Variants in CRYBG1 observed in about 807,000 individuals in gnomAD.
CRYBG1 encodes the protein beta/gamma crystallin domain-containing protein 1.
Under a neutral mutation model 189.2 loss-of-function variants are expected in CRYBG1, and 139 were observed. The observed-to-expected ratio is 0.73, with a 90% CI of 0.64 to 0.85. The LOEUF is 0.85. Among genes scored for constraint, CRYBG1 ranks in the 40% least tolerant of loss-of-function variants. The pLI is 0.00. For synonymous variants in CRYBG1, 1,023 were observed against 1,017.1 expected (o/e 1.01, Z -0.11); for missense variants, 2,611 against 2,675.8 (o/e 0.98, Z 0.53).
At chr6:106,383,909 T>C (rs1770334283) in intron 1 of CRYBG1, among the ~76,000 whole-genome samples, 1 of 152,200 alleles carries the variant, frequency 6.6e-6, no homozygotes, top group African/African-American at 2.4e-5. Context: ...AAGTTATAAT[T>C]GTGGTTCTCA....
At chr6:106,544,505 A>G (rs2114574906) in intron 11 of CRYBG1, 66 bp from the exon 12 acceptor site, 2 of 1,555,584 alleles carry the variant, frequency 1.3e-6, no homozygotes, top group Non-Finnish European at 8.8e-7. Context: ...AATGAAATTG[A>G]TATGTACCTT....
At chr6:106,525,591 G>A (rs1214309319) in intron 6 of CRYBG1, among the ~76,000 whole-genome samples, 3 of 152,114 alleles carry the variant, frequency 2.0e-5, no homozygotes, top group Non-Finnish European at 4.4e-5. Context: ...ATATGTTTAT[G>A]GGAGAAAAAT....
chr6:106,555,062 G>T (rs886493870), intron 16 of CRYBG1, among the ~76,000 whole-genome samples: 1 of 151,982 alleles, frequency 6.6e-6, no homozygotes, highest in Non-Finnish European at 1.5e-5. Context: ...CTACTCAGGA[G>T]GATGAGGCAG....
At chr6:106,478,853 G>A (rs1772387461) in intron 2 of CRYBG1, among the ~76,000 whole-genome samples, 1 of 152,192 alleles carries the variant, frequency 6.6e-6, no homozygotes, top group Non-Finnish European at 1.5e-5. Flanking sequence ...TGTGTGCAAG[G>A]GATCTAGATT....
chr6:106,363,057 A>G (rs1183188259), intron 1 of CRYBG1, among the ~76,000 whole-genome samples: 1 of 151,548 alleles, frequency 6.6e-6, no homozygotes, highest in African/African-American at 2.4e-5. Flanking sequence ...CATCCTGGCT[A>G]ACACGGTGAA....
rs578061106 is a variant in CRYBG1, at chr6:106,549,648, G to A, written c.5313-2204G>A. Among the ~76,000 whole-genome samples, 39 of 152,194 alleles carry A rather than the reference G, an allele frequency of 2.6e-4. 1 individual carries two copies. The South Asian group carries it at 8.1e-3, about 32-fold the overall frequency. On this transcript the variant is annotated intron_variant, in intron 13 of 21. Transcript: ENST00000633556. ...AATTGCTAGTGAGGTTCTGAAATCG[G>A]GGGATGGGGGGTGGTAGGGGGCTGT...
intron 2 of CRYBG1, among the ~76,000 whole-genome samples, chr6:106,472,707 C>T (rs1017149075): frequency 6.7e-6 from 1 of 150,190 alleles, no homozygotes; most frequent in Admixed American, 6.7e-5. Flanking sequence ...CCAGCCTGGC[C>T]AACAAGGCGA....
chr6:106,362,946 A>G (rs1771907934), intron 1 of CRYBG1, among the ~76,000 whole-genome samples: 1 of 152,298 alleles, frequency 6.6e-6, no homozygotes, highest in African/African-American at 2.4e-5. Flanking sequence ...ACATTTTAGT[A>G]TAAAATTTAA....
intron 2 of CRYBG1, among the ~76,000 whole-genome samples, chr6:106,472,692 T>C (rs951385868): frequency 6.6e-6 from 1 of 151,678 alleles, no homozygotes; most frequent in Non-Finnish European, 1.5e-5. Context: ...TCCAGGAGTT[T>C]GAAACCAGCC....
At chr6:106,566,120 A>T (rs1774877709) in intron 21 of CRYBG1, among the ~76,000 whole-genome samples, 1 of 151,184 alleles carries the variant, frequency 6.6e-6, no homozygotes, top group Admixed American at 6.6e-5. Flanking sequence ...TTCACGGGGT[A>T]CACACTATGT....
rs946653256 is a variant in CRYBG1 at position 106,512,665 on chromosome 6, G to A, written c.1548G>A (p.Lys516=). The change falls in exon 3 of 22, where the codon AAG becomes AAA. Residue 516 remains lysine, a synonymous_variant. Transcript: ENST00000633556. ...PPPASSPTKR[K]GRSRALEAVP... ...CGGCTTCGTCCCCCACGAAGAGGAA[G>A]GGCAGGAGCCGTGCCCTCGAGGCCG... 6 of 1,575,482 alleles carry A rather than the reference G, an allele frequency of 3.8e-6. No individual in the cohort carries two copies. Among genetic ancestry groups the A allele is most frequent in the Non-Finnish European group, 5.2e-6 (6 of 1,161,572 alleles).
intron 1 of CRYBG1, among the ~76,000 whole-genome samples, chr6:106,447,952 A>G (rs1366997793): frequency 1.3e-5 from 2 of 152,172 alleles, no homozygotes; most frequent in Admixed American, 6.5e-5. Flanking sequence ...TTTCAAGTGT[A>G]TTATTTCTGT....
chr6:106,425,397 T>G lies in CRYBG1; in HGVS notation c.174-26297T>G, dbSNP rs561352777. ...CAGCAATTTTATGACCTCCAAAACC[T>G]CAATTTATCCTACTCCTTGACATTC... On this transcript the variant is annotated intron_variant, in intron 1 of 21. Transcript: ENST00000633556. Among the ~76,000 whole-genome samples the G allele has an allele frequency of 2.0e-5, 3 of 152,266 alleles. No individual in the cohort carries two copies. In the East Asian group the frequency reaches 5.8e-4, roughly 29 times the overall value.
At chr6:106,418,422 G>A (rs1771065058) in intron 1 of CRYBG1, among the ~76,000 whole-genome samples, 1 of 152,328 alleles carries the variant, frequency 6.6e-6, no homozygotes, top group South Asian at 2.1e-4. Flanking sequence ...TGAAGGTGGG[G>A]TTTTACCGGG....
At chr6:106,408,138 A>C (rs1028494218) in intron 1 of CRYBG1, among the ~76,000 whole-genome samples, 2 of 152,188 alleles carry the variant, frequency 1.3e-5, no homozygotes, top group Admixed American at 1.3e-4. Flanking sequence ...CAGACTAATA[A>C]AGAAGATAAA....
chr6:106,530,864 A>T (rs1773863323), intron 8 of CRYBG1, among the ~76,000 whole-genome samples: 1 of 152,252 alleles, frequency 6.6e-6, no homozygotes, highest in African/African-American at 2.4e-5. Context: ...TGGTCTCCAA[A>T]GTGAAGCACA....
intron 2 of CRYBG1, among the ~76,000 whole-genome samples, chr6:106,469,951 G>A (rs1053719862): frequency 6.6e-6 from 1 of 152,136 alleles, no homozygotes; most frequent in African/African-American, 2.4e-5. Context: ...TTATGCTATG[G>A]GGCTGTCACT....
At chr6:106,537,439 C>T (rs1774029865) in intron 8 of CRYBG1, among the ~76,000 whole-genome samples, 1 of 152,102 alleles carries the variant, frequency 6.6e-6, no homozygotes, top group South Asian at 2.1e-4. Flanking sequence ...CTTTGAGCTC[C>T]AAAATACATG....
chr6:106,394,528 G>C (rs75319258), intron 1 of CRYBG1, among the ~76,000 whole-genome samples: 4,013 of 152,264 alleles, frequency 0.026, 163 homozygotes, highest in African/African-American at 0.092. Flanking sequence ...TGAATTCTAA[G>C]TAAACCGAAC....
Sources: allele counts gnomAD v4.1 joint callset (sites outside exome capture counted in the v4.1 genomes callset), GRCh38; gene constraint gnomAD v4.1.1; transcripts MANE v1.5; gene names NCBI Gene and HGNC (gene_info 2026-07-23, HGNC 2026-07-21).